Variants in ATXN10 observed in about 807,000 individuals in gnomAD.
ATXN10 encodes the protein ataxin-10.
ATXN10 carries 28 observed loss-of-function variants against 52.9 expected under a neutral mutation model. The ratio of observed to expected loss-of-function variants is 0.53; its 90% confidence interval spans 0.39 to 0.73. The LOEUF (loss-of-function observed/expected upper bound fraction) is 0.73. ATXN10 is among the 30% of genes least tolerant of loss of function. The pLI is 0.00. For synonymous variants in ATXN10, 226 were observed against 221.5 expected, an observed-to-expected ratio of 1.02 and a Z score of -0.18; for missense variants, 565 against 577.0, an observed-to-expected ratio of 0.98 and a Z score of 0.21.
At position 45,770,626 on chromosome 22, in the gene ATXN10, C is replaced by T. The variant is rs117635879; in HGVS notation, c.1173+30088C>T. On this transcript the variant is annotated intron_variant, in intron 9 of 11. Transcript: ENST00000252934. This position sits in a 1 kb window ranked among gnomAD's most constrained non-coding sequence, Gnocchi z 4.5. ...GACCTGAGGGCTTCACAGAGAGCCACGTCCACATATGCGAGAGCCACTGAT... is the reference window on the plus strand; with the variant it reads ...GACCTGAGGGCTTCACAGAGAGCCATGTCCACATATGCGAGAGCCACTGAT... Among the ~76,000 whole-genome samples, 391 of 152,324 alleles carry T rather than the reference C, an allele frequency of 2.6e-3. 1 individual carries two copies. The highest frequency in any genetic ancestry group is 0.014 in the Middle Eastern group (4 of 294).
chr22:45,704,785 G>T (rs765249283), intron 5 of ATXN10, among the ~76,000 whole-genome samples: 1 of 151,848 alleles, frequency 6.6e-6, no homozygotes, highest in Non-Finnish European at 1.5e-5. Flanking sequence ...TTGCCTAGTT[G>T]CCCTGACTGG....
chr22:45,727,337 A>ATCTATCTC lies in ATXN10; in HGVS notation c.729-2081_729-2080insCTCTATCT, dbSNP rs1332310979. Among the ~76,000 whole-genome samples the ATCTATCTC allele has an allele frequency of 6.7e-6, 1 of 149,980 alleles. No individual in the cohort carries two copies. The highest frequency in any genetic ancestry group is 1.5e-5 in the Non-Finnish European group (1 of 67,344). On this transcript the variant is annotated intron_variant, in intron 6 of 11. Coordinates refer to ENST00000252934, the MANE Select transcript of ATXN10 (RefSeq NM_013236.4). This position sits in a 1 kb window ranked among gnomAD's most constrained non-coding sequence, Gnocchi z 4.6. Reference sequence around the variant, plus strand: ...TCTGTCTGTCTATCTATCTATATCTATCTATCTATCTATCTATCTATCTAT... The same window carrying ATCTATCTC: ...TCTGTCTGTCTATCTATCTATATCTATCTATCTCTCTATCTATCTATCTATCTATCTAT...
intron 10 of ATXN10, among the ~76,000 whole-genome samples, chr22:45,838,223 T>C (rs1280972430): frequency 6.6e-6 from 1 of 152,224 alleles, no homozygotes; most frequent in Non-Finnish European, 1.5e-5. Flanking sequence ...TAATATCTTA[T>C]CACCTTGCTG....
intron 7 of ATXN10, 76 bp from the exon 8 acceptor site, chr22:45,738,655 C>G (rs1925392076): frequency 1.7e-6 from 2 of 1,168,354 alleles, no homozygotes; most frequent in South Asian, 2.6e-5. Context: ...ATATTTTATT[C>G]TCTTACAGTT....
At chr22:45,735,228 A>T (rs764293373) in intron 7 of ATXN10, among the ~76,000 whole-genome samples, 25 of 152,110 alleles carry the variant, frequency 1.6e-4, no homozygotes, top group Admixed American at 6.5e-4. Context: ...TACATAGTTA[A>T]TGTTCCCTAA....
At position 45,712,642 on chromosome 22, in the gene ATXN10, C is replaced by A. The variant is rs1251311618; in HGVS notation, c.648-5771C>A. Among the ~76,000 whole-genome samples, 1 of 152,116 alleles carries A rather than the reference C, an allele frequency of 6.6e-6. No homozygotes were observed. Among genetic ancestry groups the A allele is most frequent in the Non-Finnish European group, 1.5e-5 (1 of 68,014 alleles). The stretch of plus-strand genomic sequence containing the variant: ...GGCTGGGATGTGCGTGTGTGTAATA[C>A]GTTTCCCCCAGTGCCTGGCACATGT... On this transcript the variant is annotated intron_variant, in intron 5 of 11. Coordinates refer to ENST00000252934, the MANE Select transcript of ATXN10 (RefSeq NM_013236.4). The surrounding 1 kb of genome is among the most constrained non-coding windows in gnomAD (Gnocchi z 4.6).
rs1927273403 is a variant in ATXN10, at chr22:45,784,968, T to A, written c.1174-21991T>A. ...TTGTTCAGGCACTGAAGTATGACAT[T>A]GTAGATGATGCATTATGGGTGGGGA... On this transcript the variant is annotated intron_variant, in intron 9 of 11. Transcript: ENST00000252934. This position sits in a 1 kb window ranked among gnomAD's most constrained non-coding sequence, Gnocchi z 4.2. 6.6e-6 allele frequency among the ~76,000 whole-genome samples: 1 copy of A among 152,168 alleles called. No individual in the cohort carries two copies. The highest frequency in any genetic ancestry group is 1.5e-5 in the Non-Finnish European group (1 of 68,022).
Position 45,816,999 on chromosome 22 carries a change from G to A in ATXN10, c.1237+9977G>A, listed in dbSNP as rs748893931. 1.2e-4 allele frequency among the ~76,000 whole-genome samples: 19 copies of A among 152,150 alleles called. No homozygotes were observed. The highest frequency in any genetic ancestry group is 2.2e-4 in the Non-Finnish European group (15 of 68,030). Reference sequence around the variant, plus strand: ...CGAGATGGCGCAGCTGGCTAGGCTCGGTGTGGTTTGTAAAAGATAGCAATG... The same window carrying A: ...CGAGATGGCGCAGCTGGCTAGGCTCAGTGTGGTTTGTAAAAGATAGCAATG... On this transcript the variant is annotated intron_variant, in intron 10 of 11. Coordinates refer to ENST00000252934, the MANE Select transcript of ATXN10 (RefSeq NM_013236.4). This position sits in a 1 kb window ranked among gnomAD's most constrained non-coding sequence, Gnocchi z 5.8.
At chr22:45,682,669 A>G (rs78985624) in intron 1 of ATXN10, among the ~76,000 whole-genome samples, 3,626 of 152,130 alleles carry the variant, frequency 0.024, 55 homozygotes, top group Non-Finnish European at 0.039. Flanking sequence ...TTCACATTCT[A>G]CTTGTATTTC....
At chr22:45,771,309 A>G (rs1264863280) in intron 9 of ATXN10, among the ~76,000 whole-genome samples, 1 of 152,096 alleles carries the variant, frequency 6.6e-6, no homozygotes, top group African/African-American at 2.4e-5. Flanking sequence ...TAACCATTCT[A>G]ATAAGTGTGT....
intron 5 of ATXN10, among the ~76,000 whole-genome samples, chr22:45,704,284 A>T (rs1923953135): frequency 6.7e-6 from 1 of 149,600 alleles, no homozygotes; most frequent in Non-Finnish European, 1.5e-5. Flanking sequence ...TTCCATATTA[A>T]TTTTAGGATC....
At chr22:45,822,955 A>G (rs899588058) in intron 10 of ATXN10, among the ~76,000 whole-genome samples, 1 of 152,148 alleles carries the variant, frequency 6.6e-6, no homozygotes, top group Non-Finnish European at 1.5e-5. Flanking sequence ...ACTTTTTTCT[A>G]TATCCAGGAT....
chr22:45,740,319 A>G (rs1217868529), intron 8 of ATXN10, 50 bp from the exon 9 acceptor site: 2 of 1,589,850 alleles, frequency 1.3e-6, no homozygotes, highest in Non-Finnish European at 8.6e-7. Context: ...AGTACAACAT[A>G]CTAAAAGTTA....
In ATXN10 at chr22:45,842,012, T is replaced by C. The variant is rs537327395; in HGVS notation, c.1238-979T>C. 6.6e-6 allele frequency among the ~76,000 whole-genome samples: 1 copy of C among 152,324 alleles called. No homozygotes were observed. Among genetic ancestry groups the C allele is most frequent in the East Asian group, 1.9e-4 (1 of 5,172 alleles). ...GGACTTGTTTGTCTTGCTGCCTTTATCTGCTCGTGGGCAGGGAGGTCTCTT... is the reference window on the plus strand; with the variant it reads ...GGACTTGTTTGTCTTGCTGCCTTTACCTGCTCGTGGGCAGGGAGGTCTCTT... On this transcript the variant is annotated intron_variant, in intron 10 of 11. Transcript: ENST00000252934. The surrounding 1 kb of genome is among the most constrained non-coding windows in gnomAD (Gnocchi z 4.8).
At position 45,763,331 on chromosome 22, in the gene ATXN10, G is replaced by A. The variant is rs1023273545; in HGVS notation, c.1173+22793G>A. ...CTGGAGAGACTTGGAGGGCTCCTCA[G>A]AGATGAGGCTGAGTGGGAGTGAAGG... On this transcript the variant is annotated intron_variant, in intron 9 of 11. Transcript: ENST00000252934. The surrounding 1 kb of genome is among the most constrained non-coding windows in gnomAD (Gnocchi z 6.9). Among the ~76,000 whole-genome samples, 9 of 152,204 alleles carry A rather than the reference G, an allele frequency of 5.9e-5. No homozygotes were observed. Among genetic ancestry groups the A allele is most frequent in the African/African-American group, 1.9e-4 (8 of 41,452 alleles).
intron 5 of ATXN10, among the ~76,000 whole-genome samples, chr22:45,714,286 AG>A (rs1353667704): frequency 6.6e-5 from 10 of 151,924 alleles, no homozygotes; most frequent in African/African-American, 2.4e-4. Flanking sequence ...GATCTTTATC[AG>A]TGTATAGGAG....
At chr22:45,803,610 T>C (rs901544495) in intron 9 of ATXN10, among the ~76,000 whole-genome samples, 4 of 152,312 alleles carry the variant, frequency 2.6e-5, no homozygotes, top group East Asian at 1.9e-4. Context: ...GTGACACTTA[T>C]AGGGCCCTTG....
chr22:45,748,452 T>A (rs890565062), intron 9 of ATXN10, among the ~76,000 whole-genome samples: 1 of 152,208 alleles, frequency 6.6e-6, no homozygotes, highest in Admixed American at 6.5e-5. Flanking sequence ...AAAACAAATA[T>A]GAGAACTTTC....
rs1924952167 is a variant in ATXN10 at position 45,728,153 on chromosome 22, T to G, written c.729-1272T>G. The stretch of plus-strand genomic sequence containing the variant: ...CATGTTGATTGTTACCTGGATATTT[T>G]GTGTTCTCCATTGTGTTACTGTTTT... On this transcript the variant is annotated intron_variant, in intron 6 of 11. Coordinates refer to ENST00000252934, the MANE Select transcript of ATXN10 (RefSeq NM_013236.4). The surrounding 1 kb of genome is among the most constrained non-coding windows in gnomAD (Gnocchi z 4.3). Among the ~76,000 whole-genome samples, 1 of 152,172 alleles carries G rather than the reference T, an allele frequency of 6.6e-6. No individual in the cohort carries two copies. The highest frequency in any genetic ancestry group is 2.4e-5 in the African/African-American group (1 of 41,444).
Sources: gnomAD v4.1 joint callset for allele counts (sites outside exome capture counted in the v4.1 genomes callset) on GRCh38, gnomAD v4.1.1 for gene constraint, Gnocchi (gnomAD v3.1) non-coding constraint, MANE v1.5 for transcripts, NCBI Gene and HGNC (gene_info 2026-07-23, HGNC 2026-07-21) for gene names.